SLC1A1: variants seen among roughly 807,000 people sequenced by gnomAD.
SLC1A1 encodes the protein solute carrier family 1 member 1.
Under a neutral mutation model 53.3 loss-of-function variants are expected in SLC1A1, and 43 were observed. The ratio of observed to expected loss-of-function variants is 0.81; its 90% CI spans 0.63 to 1.04. SLC1A1 has a LOEUF of 1.04. Among genes scored for constraint, SLC1A1 ranks in the 50% least tolerant of loss-of-function variants. SLC1A1 has a pLI of 0.00. For missense variants in SLC1A1, 748 were observed against 664.9 expected (o/e 1.12, Z -1.37); for synonymous variants, 307 against 243.2 (o/e 1.26, Z -2.44).
chr9:4,503,492 G>C (rs552071042), intron 1 of SLC1A1, among the ~76,000 whole-genome samples: 2 of 151,786 alleles, frequency 1.3e-5, no homozygotes, highest in Non-Finnish European at 2.9e-5. Context: ...GGAGGCTGCA[G>C]CATGCTGTGG....
intron 11 of SLC1A1, among the ~76,000 whole-genome samples, chr9:4,584,688 G>A (rs1175228562): frequency 1.3e-5 from 2 of 152,180 alleles, no homozygotes; most frequent in Non-Finnish European, 2.9e-5. Context: ...CCTGCCACCA[G>A]TCTCTTCCCC....
intron 1 of SLC1A1, among the ~76,000 whole-genome samples, chr9:4,509,541 G>C (rs929796351): frequency 2.7e-5 from 4 of 149,986 alleles, no homozygotes; most frequent in African/African-American, 9.8e-5. Flanking sequence ...AAGAACAGGG[G>C]AAGGGAGGGC....
rs1342760431 is a variant in SLC1A1 at position 4,537,451 on chromosome 9, C to T, written c.92-7116C>T. Among the ~76,000 whole-genome samples, 4 of 98,348 alleles carry T rather than the reference C, an allele frequency of 4.1e-5. 1 individual carries two copies. Among genetic ancestry groups the T allele is most frequent in the East Asian group, 2.1e-4 (1 of 4,798 alleles). 64.5% of individuals were successfully genotyped at this position (98,348 alleles called of 152,430 possible). ...GCGGGCGCCTGTAGTCCCAGCTACT[C>T]GGGAGGCTGAGGCAGGAGAATGGCG... On this transcript the variant is annotated intron_variant, in intron 1 of 11. Transcript: ENST00000262352.
At position 4,491,050 on chromosome 9, in the gene SLC1A1, G is replaced by C. The variant is rs1365378916; in HGVS notation, c.91+280G>C. On this transcript the variant is annotated intron_variant, in intron 1 of 11. Transcript: ENST00000262352. ...TCAAAGGGGCTTGGGGGTAGAAAGG[G>C]AAGCAAGTAGCTCTTGGTTCTGCTC... Among the ~76,000 whole-genome samples the C allele has an allele frequency of 2.6e-5, 4 of 152,248 alleles. No homozygotes were observed. In the South Asian group the frequency reaches 6.2e-4, roughly 24 times the overall value.
chr9:4,502,740 T>A (rs560847051), intron 1 of SLC1A1, among the ~76,000 whole-genome samples: 2 of 151,878 alleles, frequency 1.3e-5, no homozygotes, highest in Non-Finnish European at 2.9e-5. Flanking sequence ...CTAGTAAACC[T>A]TGATACACCT....
chr9:4,563,005 T>G, intron 3 of SLC1A1, among the ~76,000 whole-genome samples: 1 of 149,678 alleles, frequency 6.7e-6, no homozygotes, highest in Non-Finnish European at 1.5e-5. Flanking sequence ...CATTGGGAGA[T>G]ATACCTAATG....
intron 2 of SLC1A1, among the ~76,000 whole-genome samples, chr9:4,550,726 T>C (rs116189757): frequency 6.6e-6 from 1 of 152,194 alleles, no homozygotes. Flanking sequence ...TAAAGCCTTA[T>C]AAAACCTTAG....
intron 2 of SLC1A1, among the ~76,000 whole-genome samples, chr9:4,554,957 C>T (rs1402942152): frequency 1.3e-5 from 2 of 152,196 alleles, no homozygotes; most frequent in Non-Finnish European, 1.5e-5. Flanking sequence ...GTGTTCTGGG[C>T]ACTGTACTAG....
chr9:4,514,737 C>T (rs1427765227), intron 1 of SLC1A1, among the ~76,000 whole-genome samples: 6 of 152,038 alleles, frequency 3.9e-5, no homozygotes, highest in East Asian at 1.9e-4. Context: ...AGAGTGACTC[C>T]GCCAGATTTG....
chr9:4,554,099 C>T (rs925817491), intron 2 of SLC1A1: 1 of 152,224 alleles, frequency 6.6e-6, no homozygotes, highest in African/African-American at 2.4e-5. Context: ...GGGACCTTAA[C>T]TCCATCTTTA....
intron 1 of SLC1A1, among the ~76,000 whole-genome samples, chr9:4,544,084 G>T (rs148240141): frequency 5.3e-5 from 8 of 152,238 alleles, no homozygotes; most frequent in Admixed American, 1.3e-4. Context: ...GCTGAGGTGG[G>T]AGGATCGACT....
chr9:4,577,321 A>G (rs1214194138), intron 10 of SLC1A1, among the ~76,000 whole-genome samples: 1 of 152,220 alleles, frequency 6.6e-6, no homozygotes, highest in African/African-American at 2.4e-5. Context: ...TACAGCATAC[A>G]GATTTCTTGC....
At chr9:4,500,140 G>A (rs185153007) in intron 1 of SLC1A1, among the ~76,000 whole-genome samples, 1 of 152,316 alleles carries the variant, frequency 6.6e-6, no homozygotes, top group Admixed American at 6.5e-5. Flanking sequence ...GTGTTCGCCT[G>A]AGGTATTGCA....
At position 4,556,572 on chromosome 9, in the gene SLC1A1, T is replaced by C. The variant is rs759333167; in HGVS notation, c.233-4877T>C. Reference sequence around the variant, plus strand: ...TGAGAGCAAGAAACCCGGGGGTCCATTGAGAATAAAAACTCAGAACTAAAG... The same window carrying C: ...TGAGAGCAAGAAACCCGGGGGTCCACTGAGAATAAAAACTCAGAACTAAAG... On this transcript the variant is annotated intron_variant, in intron 2 of 11. Transcript: ENST00000262352. This position sits in a 1 kb window ranked among gnomAD's most constrained non-coding sequence, Gnocchi z 4.1. 7.9e-5 allele frequency among the ~76,000 whole-genome samples: 12 copies of C among 152,120 alleles called. No homozygotes were observed. Among genetic ancestry groups the C allele is most frequent in the Non-Finnish European group, 1.3e-4 (9 of 68,014 alleles).
intron 10 of SLC1A1, among the ~76,000 whole-genome samples, chr9:4,580,750 T>C (rs1821020381): frequency 6.6e-6 from 1 of 151,680 alleles, no homozygotes; most frequent in Non-Finnish European, 1.5e-5. Context: ...GTAGTAGTTG[T>C]TGTAATAGTT....
intron 1 of SLC1A1, among the ~76,000 whole-genome samples, chr9:4,515,652 C>G (rs1460967160): frequency 6.6e-6 from 1 of 152,102 alleles, no homozygotes; most frequent in East Asian, 1.9e-4. Context: ...ATCCAGCTGG[C>G]TGAGTTCCTC....
intron 10 of SLC1A1, among the ~76,000 whole-genome samples, chr9:4,580,442 G>A (rs1308248846): frequency 2.6e-5 from 4 of 151,760 alleles, no homozygotes; most frequent in African/African-American, 9.7e-5. Flanking sequence ...TTAGCCAGGT[G>A]TTATGGAGTG....
At chr9:4,535,583 T>A (rs1403107125) in intron 1 of SLC1A1, among the ~76,000 whole-genome samples, 1 of 152,112 alleles carries the variant, frequency 6.6e-6, no homozygotes, top group Non-Finnish European at 1.5e-5. Flanking sequence ...GGAAGAACAT[T>A]CCATGCTCAT....
At chr9:4,539,952 A>G (rs1816861964) in intron 1 of SLC1A1, among the ~76,000 whole-genome samples, 1 of 152,242 alleles carries the variant, frequency 6.6e-6, no homozygotes, top group Non-Finnish European at 1.5e-5. Context: ...AGAAGAGGGC[A>G]GTCCCCAGCA....
Sources: allele counts gnomAD v4.1 joint callset (sites outside exome capture counted in the v4.1 genomes callset), GRCh38; gene constraint gnomAD v4.1.1; non-coding constraint Gnocchi (gnomAD v3.1); transcripts MANE v1.5; gene names NCBI Gene and HGNC (gene_info 2026-07-23, HGNC 2026-07-21).